GLCE: variants seen among roughly 807,000 people sequenced by gnomAD.
GLCE encodes glucuronic acid epimerase.
A neutral mutation model predicts 47.9 loss-of-function variants in GLCE; 19 were observed. The observed-to-expected ratio is 0.40, with a 90% CI of 0.28 to 0.58. GLCE has a LOEUF of 0.58. GLCE is among the 20% of genes least tolerant of loss of function. The pLI is 0.48. For missense variants in GLCE, 556 were observed against 743.3 expected, an observed-to-expected ratio of 0.75 and a Z score of 2.93; for synonymous variants, 245 against 263.4, an observed-to-expected ratio of 0.93 and a Z score of 0.68.
At chr15:69,231,046 G>A (rs1224157213) in intron 2 of GLCE, among the ~76,000 whole-genome samples, 1 of 152,014 alleles carries the variant, frequency 6.6e-6, no homozygotes, top group Non-Finnish European at 1.5e-5. Context: ...CACTTTTTTG[G>A]TTTATTGAAA....
rs1017887964 is a variant in GLCE, at chr15:69,210,013, C to T, written c.-104-303C>T. On this transcript the variant is annotated intron_variant, in intron 1 of 4. Transcript: ENST00000261858. ...ACACTTCCTTGTGAGTCCTAAGAGA[C>T]CCCTTTCCCTCTCTCAAGCCAGAGG... is the stretch of plus-strand genomic sequence containing the variant. 3.9e-5 allele frequency among the ~76,000 whole-genome samples: 6 copies of T among 152,128 alleles called. 1 individual carries two copies. Among genetic ancestry groups the T allele is most frequent in the Admixed American group, 3.9e-4 (6 of 15,260 alleles).
At chr15:69,180,080 C>G (rs1287443335) in intron 1 of GLCE, among the ~76,000 whole-genome samples, 1 of 152,138 alleles carries the variant, frequency 6.6e-6, no homozygotes, top group African/African-American at 2.4e-5. Context: ...GAAAAATCTT[C>G]ATGGAAATAA....
intron 3 of GLCE, among the ~76,000 whole-genome samples, chr15:69,259,425 A>G (rs550475953): frequency 6.6e-6 from 1 of 152,254 alleles, no homozygotes; most frequent in African/African-American, 2.4e-5. Context: ...GCCACACCAC[A>G]TTATGATCAG....
chr15:69,202,519 T>C (rs1391536484), intron 1 of GLCE, among the ~76,000 whole-genome samples: 1 of 152,108 alleles, frequency 6.6e-6, no homozygotes, highest in Non-Finnish European at 1.5e-5. Context: ...TGCGGTATTC[T>C]TACCAATCGT....
chr15:69,163,073 C>G (rs925049875), intron 1 of GLCE, among the ~76,000 whole-genome samples: 1 of 152,172 alleles, frequency 6.6e-6, no homozygotes, highest in Non-Finnish European at 1.5e-5. Context: ...GACCAAAATA[C>G]CTGGTTGACA....
At chr15:69,189,703 G>T (rs951635928) in intron 1 of GLCE, among the ~76,000 whole-genome samples, 2 of 152,056 alleles carry the variant, frequency 1.3e-5, no homozygotes, top group Non-Finnish European at 2.9e-5. Context: ...TGTTGTACGT[G>T]TATGTTTTTC....
chr15:69,216,130 T>G (rs1323949655), intron 2 of GLCE, among the ~76,000 whole-genome samples: 2 of 152,156 alleles, frequency 1.3e-5, no homozygotes, highest in African/African-American at 4.8e-5. Context: ...CTAGATTGCA[T>G]CGTAGGAATC....
intron 1 of GLCE, among the ~76,000 whole-genome samples, chr15:69,201,685 A>C (rs2140364059): frequency 6.7e-6 from 1 of 150,324 alleles, no homozygotes; most frequent in East Asian, 2.0e-4. Flanking sequence ...GCATTGAGTT[A>C]GAAACCTCAT....
intron 1 of GLCE, among the ~76,000 whole-genome samples, chr15:69,203,868 A>G (rs1274127689): frequency 6.6e-6 from 1 of 152,128 alleles, no homozygotes; most frequent in African/African-American, 2.4e-5. Flanking sequence ...CTGAGAAACA[A>G]CAGTATCCTT....
chr15:69,192,360 AT>A (rs1437489520), intron 1 of GLCE, among the ~76,000 whole-genome samples: 1 of 151,614 alleles, frequency 6.6e-6, no homozygotes, highest in African/African-American at 2.4e-5. Context: ...ATATAATAAT[AT>A]TTTTATTTCA....
At chr15:69,255,559 A>G (rs1395252897) in intron 2 of GLCE, among the ~76,000 whole-genome samples, 1 of 152,164 alleles carries the variant, frequency 6.6e-6, no homozygotes, top group African/African-American at 2.4e-5. Context: ...CAAACTAAGA[A>G]AGTTTGAACA....
At chr15:69,247,746 TG>T (rs1206744134) in intron 2 of GLCE, among the ~76,000 whole-genome samples, 1 of 152,172 alleles carries the variant, frequency 6.6e-6, no homozygotes, top group African/African-American at 2.4e-5. Context: ...CATATTGGTG[TG>T]TCTCAGAAAA....
At chr15:69,231,262 C>T (rs1469176285) in intron 2 of GLCE, among the ~76,000 whole-genome samples, 1 of 151,102 alleles carries the variant, frequency 6.6e-6, no homozygotes, top group Non-Finnish European at 1.5e-5. Context: ...TTTGCCTTTG[C>T]TACCTAGTGT....
At chr15:69,173,258 A>T (rs1340489136) in intron 1 of GLCE, among the ~76,000 whole-genome samples, 1 of 152,250 alleles carries the variant, frequency 6.6e-6, no homozygotes, top group South Asian at 2.1e-4. Flanking sequence ...GAGAGTAATC[A>T]GAATGAAGCA....
rs8028687 is a variant in GLCE, at chr15:69,166,049, A to G, written c.-105+5292A>G. Among the ~76,000 whole-genome samples, 1,061 of 152,302 alleles carry G rather than the reference A, an allele frequency of 7.0e-3. 18 individuals carry two copies. Among genetic ancestry groups the G allele is most frequent in the African/African-American group, 0.024 (1,004 of 41,562 alleles). On this transcript the variant is annotated intron_variant, in intron 1 of 4. Coordinates refer to ENST00000261858, the MANE Select transcript of GLCE (RefSeq NM_015554.3). ...AGGCAACTACTAATCCTTATCTCTA[A>G]AATTGCTAGAAGAGATATTAACTAG...
intron 2 of GLCE, among the ~76,000 whole-genome samples, chr15:69,246,280 C>T (rs1166948595): frequency 6.6e-6 from 1 of 152,116 alleles, no homozygotes; most frequent in Non-Finnish European, 1.5e-5. Context: ...TTGACCTCCT[C>T]CCATGAGTCA....
chr15:69,233,104 A>G (rs976808858), intron 2 of GLCE, among the ~76,000 whole-genome samples: 3 of 152,170 alleles, frequency 2.0e-5, no homozygotes, highest in Non-Finnish European at 4.4e-5. Flanking sequence ...TTTTCCCAGA[A>G]AGGCTGAAAG....
In GLCE at chr15:69,214,793, TA is replaced by T. The variant is rs2052282061; in HGVS notation, c.-14+4388del. Among the ~76,000 whole-genome samples, 4 of 152,218 alleles carry T rather than the reference TA, an allele frequency of 2.6e-5. No individual in the cohort carries two copies. The South Asian group carries it at 8.3e-4, about 31-fold the overall frequency. Reference sequence around the variant, plus strand: ...AGTGAGAAACCTGACTCTCATTCTCTACACTATATTTATGTATTTATTATAC... The same window carrying T: ...AGTGAGAAACCTGACTCTCATTCTCTCACTATATTTATGTATTTATTATAC... On this transcript the variant is annotated intron_variant, in intron 2 of 4. Coordinates refer to ENST00000261858, the MANE Select transcript of GLCE (RefSeq NM_015554.3).
intron 2 of GLCE, among the ~76,000 whole-genome samples, chr15:69,252,964 A>G (rs1423763501): frequency 6.6e-6 from 1 of 152,150 alleles, no homozygotes; most frequent in Non-Finnish European, 1.5e-5. Flanking sequence ...ACTTCTTAAA[A>G]TCTGTATTCA....
Sources: gnomAD v4.1 joint callset for allele counts (sites outside exome capture counted in the v4.1 genomes callset) on GRCh38, gnomAD v4.1.1 for gene constraint, MANE v1.5 for transcripts, NCBI Gene and HGNC (gene_info 2026-07-23, HGNC 2026-07-21) for gene names.